The following EFNA5 variants were observed in gnomAD, a reference collection of about 807,000 sequenced individuals.
EFNA5 encodes the protein ephrin-A5.
A neutral mutation model predicts 22.9 loss-of-function variants in EFNA5; 5 were observed. The observed-to-expected ratio is 0.22, with a 90% CI of 0.11 to 0.46. EFNA5 has a LOEUF of 0.46. EFNA5 is among the 20% of genes least tolerant of loss of function. The probability of loss-of-function intolerance (pLI) is 0.99; values close to 1 mark genes in which losing one functional copy is unlikely to be tolerated. For synonymous variants in EFNA5, 113 were observed against 112.2 expected, an observed-to-expected ratio of 1.01 and a Z score of -0.04; for missense variants, 237 against 293.3, an observed-to-expected ratio of 0.81 and a Z score of 1.40.
At chr5:107,617,207 C>CAA (rs1207186527) in intron 1 of EFNA5, among the ~76,000 whole-genome samples, 3 of 131,866 alleles carry the variant, frequency 2.3e-5, no homozygotes, top group African/African-American at 1.1e-4. Context: ...TACATGTGCA[C>CAA]ATACACACAC....
intron 1 of EFNA5, among the ~76,000 whole-genome samples, chr5:107,568,869 T>A (rs1370175731): frequency 6.6e-6 from 1 of 152,172 alleles, no homozygotes. Flanking sequence ...CTTTTACAAA[T>A]CCTTCTCGGT....
chr5:107,526,064 T>G (rs1392117058), intron 1 of EFNA5, among the ~76,000 whole-genome samples: 2 of 152,156 alleles, frequency 1.3e-5, no homozygotes, highest in African/African-American at 4.8e-5. Flanking sequence ...AAAGAAGACA[T>G]AAGGCCATTT....
intron 1 of EFNA5, among the ~76,000 whole-genome samples, chr5:107,483,862 G>A (rs1003359737): frequency 3.3e-5 from 5 of 152,202 alleles, no homozygotes; most frequent in African/African-American, 1.2e-4. Context: ...TCTGGTGGGT[G>A]ATGCTGCACA....
At chr5:107,407,862 G>A (rs1329465204) in intron 2 of EFNA5, among the ~76,000 whole-genome samples, 2 of 152,058 alleles carry the variant, frequency 1.3e-5, no homozygotes, top group Non-Finnish European at 2.9e-5. Flanking sequence ...ACATAGGGTT[G>A]GTCATAGTTA....
At chr5:107,612,888 G>C (rs1037802096) in intron 1 of EFNA5, among the ~76,000 whole-genome samples, 1 of 152,054 alleles carries the variant, frequency 6.6e-6, no homozygotes, top group African/African-American at 2.4e-5. Flanking sequence ...AAAGTTAAAG[G>C]AAATAACCTT....
chr5:107,660,175 A>G (rs966731415), intron 1 of EFNA5, among the ~76,000 whole-genome samples: 1 of 149,360 alleles, frequency 6.7e-6, no homozygotes, highest in Non-Finnish European at 1.5e-5. Flanking sequence ...GAAAAAATAC[A>G]CTAATAACAG....
At chr5:107,472,888 A>G (rs1750176723) in intron 1 of EFNA5, among the ~76,000 whole-genome samples, 1 of 152,234 alleles carries the variant, frequency 6.6e-6, no homozygotes, top group African/African-American at 2.4e-5. Flanking sequence ...GGACCAAGGG[A>G]TGCAAATGTC....
At chr5:107,483,990 A>G (rs943842495) in intron 1 of EFNA5, among the ~76,000 whole-genome samples, 3 of 152,212 alleles carry the variant, frequency 2.0e-5, no homozygotes, top group African/African-American at 7.2e-5. Flanking sequence ...CCACATTATT[A>G]AAGAATTTTA....
At chr5:107,418,141 T>A (rs553438094) in intron 2 of EFNA5, among the ~76,000 whole-genome samples, 80 of 152,350 alleles carry the variant, frequency 5.3e-4, no homozygotes, top group African/African-American at 1.9e-3. Flanking sequence ...ATCATCACAC[T>A]GAAATTCAGT....
chr5:107,462,280 G>GAAAGA (rs1749853918), intron 1 of EFNA5, among the ~76,000 whole-genome samples: 2 of 152,086 alleles, frequency 1.3e-5, no homozygotes, highest in African/African-American at 4.8e-5. Context: ...AGAAAGAAAG[G>GAAAGA]AAAGAAAAGG....
chr5:107,378,515 A>G lies in EFNA5; in HGVS notation c.*2740T>C, dbSNP rs552834098. 1 of 152,174 alleles carries G rather than the reference A, an allele frequency of 6.6e-6. No homozygotes were observed. Among genetic ancestry groups the G allele is most frequent in the Non-Finnish European group, 1.5e-5 (1 of 68,022 alleles). The allele number at this position is 152,174 out of a possible 1,614,324, so 9.4% of individuals were successfully genotyped here. On this transcript the variant is annotated 3_prime_UTR_variant, in exon 5 of 5. Coordinates refer to ENST00000333274, the MANE Select transcript of EFNA5 (RefSeq NM_001962.3). ...CCCCAGAGGATTGTAACACCACCAC[A>G]AAAGGCCACCAACACTTTTTAAACA...
At position 107,646,504 on chromosome 5, in the gene EFNA5, T is replaced by A. The variant is rs374708088; in HGVS notation, c.125+23985A>T. 7.2e-5 allele frequency among the ~76,000 whole-genome samples: 11 copies of A among 152,306 alleles called. No individual in the cohort carries two copies. In the East Asian group the frequency reaches 1.9e-3, roughly 27 times the overall value. The stretch of plus-strand genomic sequence containing the variant: ...GTAGATTATAAGTATCTGGTATTAA[T>A]GTCCAGTGAGGTGAGATAAATATTA... On this transcript the variant is annotated intron_variant, in intron 1 of 4. Transcript: ENST00000333274.
At chr5:107,492,925 G>A (rs1216022750) in intron 1 of EFNA5, among the ~76,000 whole-genome samples, 3 of 151,466 alleles carry the variant, frequency 2.0e-5, no homozygotes, top group Non-Finnish European at 4.4e-5. Context: ...CTTGAACCGG[G>A]AGGCGGAGGT....
At chr5:107,640,725 T>G (rs1161785131) in intron 1 of EFNA5, among the ~76,000 whole-genome samples, 1 of 152,228 alleles carries the variant, frequency 6.6e-6, no homozygotes, top group Admixed American at 6.5e-5. Context: ...GCGGACTGTC[T>G]TGCAGTATTA....
chr5:107,576,405 C>CAAGTG (rs754984213), intron 1 of EFNA5, among the ~76,000 whole-genome samples: 3 of 152,112 alleles, frequency 2.0e-5, no homozygotes, highest in Non-Finnish European at 4.4e-5. Context: ...ACCATGTTTC[C>CAAGTG]AAGTGATCAT....
chr5:107,642,986 C>T (rs1750559059), intron 1 of EFNA5, among the ~76,000 whole-genome samples: 1 of 150,316 alleles, frequency 6.7e-6, no homozygotes, highest in Admixed American at 6.6e-5. Flanking sequence ...CATGTGGTAC[C>T]ATGTTTATAT....
intron 1 of EFNA5, among the ~76,000 whole-genome samples, chr5:107,441,844 T>C (rs1749264818): frequency 6.6e-6 from 1 of 152,178 alleles, no homozygotes; most frequent in African/African-American, 2.4e-5. Flanking sequence ...TTGTATCACA[T>C]GTGGAAAATT....
At chr5:107,594,200 T>A (rs1003947276) in intron 1 of EFNA5, among the ~76,000 whole-genome samples, 2 of 152,228 alleles carry the variant, frequency 1.3e-5, no homozygotes, top group Admixed American at 6.5e-5. Flanking sequence ...TGTGAGGCTC[T>A]TTTATCAAAG....
chr5:107,396,075 G>T (rs1209763531), intron 2 of EFNA5, among the ~76,000 whole-genome samples: 1 of 152,160 alleles, frequency 6.6e-6, no homozygotes, highest in East Asian at 1.9e-4. Context: ...AATGTAGCAT[G>T]ACAGTAAATT....
Sources: allele counts gnomAD v4.1 joint callset (sites outside exome capture counted in the v4.1 genomes callset), GRCh38; gene constraint gnomAD v4.1.1; transcripts MANE v1.5; gene names NCBI Gene and HGNC (gene_info 2026-07-23, HGNC 2026-07-21).